The following PDE3B variants were observed in gnomAD, a reference collection of about 807,000 sequenced individuals.
PDE3B encodes the protein phosphodiesterase 3B.
A neutral mutation model predicts 116.8 loss-of-function variants in PDE3B; 66 were observed. The observed-to-expected ratio is 0.56, with a 90% CI of 0.46 to 0.69. PDE3B has a LOEUF of 0.69. Among genes scored for constraint, PDE3B ranks in the 30% least tolerant of loss-of-function variants. PDE3B has a pLI of 0.00. For missense variants in PDE3B, 1,384 were observed against 1,368.1 expected, an observed-to-expected ratio of 1.01 and a Z score of -0.18; for synonymous variants, 595 against 533.6, an observed-to-expected ratio of 1.12 and a Z score of -1.59.
chr11:14,740,137 C>T (rs1856720303), intron 1 of PDE3B, among the ~76,000 whole-genome samples: 1 of 152,108 alleles, frequency 6.6e-6, no homozygotes, highest in Admixed American at 6.5e-5. Context: ...GGGAGGATTT[C>T]CTTTTTTTCT....
chr11:14,832,643 C>A, intron 9 of PDE3B, 79 bp from the exon 10 acceptor site: 1 of 572,652 alleles, frequency 1.7e-6, no homozygotes, highest in South Asian at 2.7e-5. Flanking sequence ...TTCCAGAATA[C>A]AAATCACAAA....
chr11:14,754,662 C>T (rs1417195700), intron 1 of PDE3B, among the ~76,000 whole-genome samples: 2 of 152,104 alleles, frequency 1.3e-5, no homozygotes, highest in Non-Finnish European at 2.9e-5. Flanking sequence ...CCCAGCTACT[C>T]AGGAGGCTGA....
chr11:14,877,536 G>A, the PDE3B span: 1 of 152,194 alleles, frequency 6.6e-6, no homozygotes, highest in Non-Finnish European at 1.5e-5. Context: ...TTTATAAGAA[G>A]AATGACACAG....
intron 1 of PDE3B, among the ~76,000 whole-genome samples, chr11:14,680,342 C>G (rs898900716): frequency 6.6e-5 from 10 of 152,246 alleles, no homozygotes; most frequent in African/African-American, 1.9e-4. Context: ...CTGTTCCAAG[C>G]AGGGTCAGGC....
chr11:14,770,457 A>G (rs1372596309), intron 1 of PDE3B, among the ~76,000 whole-genome samples: 2 of 151,556 alleles, frequency 1.3e-5, no homozygotes, highest in Non-Finnish European at 3.0e-5. Context: ...TATAAAAGAA[A>G]CTTAGGGATT....
In PDE3B at chr11:14,845,446, A is replaced by T. The variant is rs1847577481; in HGVS notation, c.2520+1420A>T. 1.3e-5 allele frequency among the ~76,000 whole-genome samples: 2 copies of T among 152,230 alleles called. 1 individual carries two copies. The highest frequency in any genetic ancestry group is 1.3e-4 in the Admixed American group (2 of 15,284). On this transcript the variant is annotated intron_variant, in intron 12 of 15. Coordinates refer to ENST00000282096, the MANE Select transcript of PDE3B (RefSeq NM_000922.4). ...AAGCAGAACGCCTCTCCTCCTCCAA[A>T]GGAACTCAGCTCCTCACCAGCAATG...
At chr11:14,789,844 A>G (rs1858329701) in intron 4 of PDE3B, among the ~76,000 whole-genome samples, 1 of 152,034 alleles carries the variant, frequency 6.6e-6, no homozygotes, top group Admixed American at 6.6e-5. Flanking sequence ...CCGAATGTAA[A>G]TATATACATT....
Position 14,830,780 on chromosome 11 carries a change from C to G in PDE3B, c.1890C>G (p.Ser630Arg). The change falls in exon 8 of 16, where the codon AGC (serine) becomes AGG (arginine). Residue 630 changes from serine (S) to arginine (R), a missense_variant. Ser to Arg is a moderately radical substitution (Grantham distance 110). This residue lies in a region of PDE3B where 956 missense variants were observed against 806.8 expected (regional missense o/e 1.18). Transcript: ENST00000282096. ...QQEEETEKKD[S>R]RKLFQEGDKW... ...AAGAGGAAACAGAGAAGAAAGACAG[C>G]AGAAAATTATTTCAGGAAGGTGATA... The G allele has an allele frequency of 6.5e-7, 1 of 1,541,564 alleles. No individual in the cohort carries two copies. Among genetic ancestry groups the G allele is most frequent in the Non-Finnish European group, 8.7e-7 (1 of 1,149,286 alleles).
intron 2 of PDE3B, among the ~76,000 whole-genome samples, chr11:14,784,164 C>A (rs1407810294): frequency 1.3e-5 from 2 of 152,150 alleles, no homozygotes; most frequent in Non-Finnish European, 2.9e-5. Flanking sequence ...TTCCACGAAA[C>A]CTGTCCCTGA....
intron 1 of PDE3B, among the ~76,000 whole-genome samples, chr11:14,667,185 C>CA (rs1366714006): frequency 4.1e-5 from 6 of 147,014 alleles, no homozygotes; most frequent in Admixed American, 2.1e-4. Context: ...ATCGCAAGGA[C>CA]AAAAAACCAA....
At chr11:14,780,030 T>G (rs1331335284) in intron 2 of PDE3B, among the ~76,000 whole-genome samples, 1 of 149,142 alleles carries the variant, frequency 6.7e-6, no homozygotes, top group Non-Finnish European at 1.5e-5. Flanking sequence ...TAGTCTCTGA[T>G]AAAACAGACT....
chr11:14,873,373 G>A (rs1458092549), downstream of PDE3B, among the ~76,000 whole-genome samples: 4 of 152,122 alleles, frequency 2.6e-5, no homozygotes, highest in African/African-American at 9.7e-5. Context: ...TGACAGAACG[G>A]CAGAGCAAGA....
At chr11:14,867,861 G>T in intron 15 of PDE3B, 103 bp downstream of exon 15, 1 of 911,518 alleles carries the variant, frequency 1.1e-6, no homozygotes, top group Non-Finnish European at 1.6e-6. Context: ...AATTTTTTGA[G>T]TGCCAGCATG....
At chr11:14,668,177 C>T (rs866838758) in intron 1 of PDE3B, among the ~76,000 whole-genome samples, 17 of 152,004 alleles carry the variant, frequency 1.1e-4, no homozygotes, top group Admixed American at 9.2e-4. Flanking sequence ...GAGACAGTAT[C>T]GACGCTTTGA....
At chr11:14,648,322 A>G (rs988178128) in intron 1 of PDE3B, among the ~76,000 whole-genome samples, 7 of 152,124 alleles carry the variant, frequency 4.6e-5, no homozygotes, top group African/African-American at 1.7e-4. Context: ...CCTAATGCCC[A>G]TAAATATTAC....
In PDE3B at chr11:14,691,248, A is replaced by G. The variant is rs879045064; in HGVS notation, c.978+46195A>G. Among the ~76,000 whole-genome samples the G allele has an allele frequency of 5.6e-4, 85 of 152,194 alleles. 1 individual carries two copies. The highest frequency in any genetic ancestry group is 4.7e-3 in the Admixed American group (72 of 15,276). ...TTAGTTCATTAAGATTTATTATACA[A>G]TTTATAAAGACTTACAATCACATAA... is the stretch of plus-strand genomic sequence containing the variant. On this transcript the variant is annotated intron_variant, in intron 1 of 15. Transcript: ENST00000282096.
intron 12 of PDE3B, among the ~76,000 whole-genome samples, chr11:14,853,971 A>C (rs1330612926): frequency 6.6e-6 from 1 of 152,232 alleles, no homozygotes; most frequent in African/African-American, 2.4e-5. Flanking sequence ...AAGATGACTA[A>C]ACACATGAAT....
chr11:14,760,260 T>C (rs2133886389), intron 1 of PDE3B, among the ~76,000 whole-genome samples: 1 of 152,296 alleles, frequency 6.6e-6, no homozygotes. Context: ...TGTTAGCTAT[T>C]ATTAGTAGTG....
rs577432638 is a variant in PDE3B, at chr11:14,722,237, C to G, written c.979-49700C>G. Reference sequence around the variant, plus strand: ...ATGACGAGTTAATGGGTGCAGCACACCAACATGGCACATGTATACATATGT... The same window carrying G: ...ATGACGAGTTAATGGGTGCAGCACAGCAACATGGCACATGTATACATATGT... On this transcript the variant is annotated intron_variant, in intron 1 of 15. Coordinates refer to ENST00000282096, the MANE Select transcript of PDE3B (RefSeq NM_000922.4). Among the ~76,000 whole-genome samples, 27 of 151,708 alleles carry G rather than the reference C, an allele frequency of 1.8e-4. 1 individual carries two copies. The highest frequency in any genetic ancestry group is 6.5e-4 in the African/African-American group (27 of 41,332).
Sources: allele counts gnomAD v4.1 joint callset (sites outside exome capture counted in the v4.1 genomes callset), GRCh38; gene constraint gnomAD v4.1.1; regional missense constraint gnomAD v4.1.1; transcripts MANE v1.5; gene names NCBI Gene and HGNC (gene_info 2026-07-23, HGNC 2026-07-21).